FHIT: variants seen among roughly 807,000 people sequenced by gnomAD.
FHIT encodes fragile histidine triad diadenosine triphosphatase.
In FHIT, 19 loss-of-function variants were observed where a neutral mutation model predicts 17.9. The ratio of observed to expected loss-of-function variants is 1.06; its 90% CI spans 0.74 to 1.56. The LOEUF (loss-of-function observed/expected upper bound fraction) is 1.56. FHIT is among the 40% of genes most tolerant of loss of function. The probability of loss-of-function intolerance (pLI) is 0.00; values close to 1 mark genes in which losing one functional copy is unlikely to be tolerated. For synonymous variants in FHIT, 81 were observed against 69.7 expected (o/e 1.16, Z -0.81); for missense variants, 248 against 189.2 (o/e 1.31, Z -1.82).
At chr3:60,060,328 G>C (rs1209511959) in intron 5 of FHIT, among the ~76,000 whole-genome samples, 1 of 152,124 alleles carries the variant, frequency 6.6e-6, no homozygotes, top group East Asian at 1.9e-4. Context: ...TTAGACCGTA[G>C]AATCAATACT....
At chr3:60,089,852 G>T (rs1214702987) in intron 5 of FHIT, among the ~76,000 whole-genome samples, 1 of 151,988 alleles carries the variant, frequency 6.6e-6, no homozygotes, top group African/African-American at 2.4e-5. Context: ...GTTGAATTGG[G>T]GATTAAGTTT....
chr3:60,663,556 C>G (rs1391238517), intron 4 of FHIT, among the ~76,000 whole-genome samples: 5 of 152,014 alleles, frequency 3.3e-5, no homozygotes, highest in African/African-American at 1.2e-4. Flanking sequence ...CAGCCTCAGG[C>G]TCCTGAGTAG....
At chr3:60,304,971 G>A (rs928016956) in intron 5 of FHIT, among the ~76,000 whole-genome samples, 8 of 152,062 alleles carry the variant, frequency 5.3e-5, no homozygotes, top group Non-Finnish European at 4.4e-5. Flanking sequence ...CCCAGTCTGT[G>A]GCAATTGAGA....
At chr3:60,216,224 T>C (rs1032926589) in intron 5 of FHIT, among the ~76,000 whole-genome samples, 1 of 152,208 alleles carries the variant, frequency 6.6e-6, no homozygotes, top group African/African-American at 2.4e-5. Context: ...AGAGAATTTA[T>C]ATAGAAACTG....
At chr3:60,213,079 A>G (rs950583684) in intron 5 of FHIT, among the ~76,000 whole-genome samples, 1 of 152,152 alleles carries the variant, frequency 6.6e-6, no homozygotes. Context: ...TATTGCGTTG[A>G]TTATTCAAGA....
At chr3:59,853,951 C>T (rs1702046044) in intron 8 of FHIT, among the ~76,000 whole-genome samples, 2 of 151,986 alleles carry the variant, frequency 1.3e-5, no homozygotes. Context: ...AATTAGAATC[C>T]CACCAATAGA....
At chr3:61,091,376 T>C (rs979299178) in intron 2 of FHIT, among the ~76,000 whole-genome samples, 1 of 152,162 alleles carries the variant, frequency 6.6e-6, no homozygotes, top group Non-Finnish European at 1.5e-5. Context: ...GTAACCTTCC[T>C]AAGTCTTCTT....
At chr3:60,184,281 C>T (rs1004395857) in intron 5 of FHIT, among the ~76,000 whole-genome samples, 2 of 152,060 alleles carry the variant, frequency 1.3e-5, no homozygotes, top group African/African-American at 4.8e-5. Context: ...ATTGGGATTT[C>T]CTTAGTTTTC....
intron 3 of FHIT, among the ~76,000 whole-genome samples, chr3:60,834,153 TATG>T (rs1702436626): frequency 6.6e-6 from 1 of 152,264 alleles, no homozygotes; most frequent in Non-Finnish European, 1.5e-5. Flanking sequence ...TGCCCAGGAG[TATG>T]ATAAGTGCAT....
chr3:61,000,545 G>A (rs2107602519), intron 3 of FHIT, among the ~76,000 whole-genome samples: 1 of 152,052 alleles, frequency 6.6e-6, no homozygotes, highest in South Asian at 2.1e-4. Flanking sequence ...TCTGAAAAAA[G>A]GTAGAGTGAA....
At chr3:60,209,922 C>T (rs1262937353) in intron 5 of FHIT, among the ~76,000 whole-genome samples, 1 of 152,018 alleles carries the variant, frequency 6.6e-6, no homozygotes, top group African/African-American at 2.4e-5. Flanking sequence ...CAACACACAA[C>T]AGGGCCTGTT....
chr3:60,912,267 G>A (rs1706784932), intron 3 of FHIT, among the ~76,000 whole-genome samples: 1 of 152,184 alleles, frequency 6.6e-6, no homozygotes, highest in Non-Finnish European at 1.5e-5. Flanking sequence ...ATTGAGCAGT[G>A]GTGGGGGTAA....
intron 5 of FHIT, among the ~76,000 whole-genome samples, chr3:60,252,037 A>G (rs1440915673): frequency 6.6e-6 from 1 of 152,208 alleles, no homozygotes; most frequent in Non-Finnish European, 1.5e-5. Flanking sequence ...TGTCATGAGT[A>G]CCGAATGTGT....
rs1225298956 is a variant in FHIT, at chr3:60,410,606, T to TA, written c.103+126253dup. 3.9e-5 allele frequency among the ~76,000 whole-genome samples: 6 copies of TA among 152,272 alleles called. No individual in the cohort carries two copies. In the East Asian group the frequency reaches 1.2e-3, roughly 29 times the overall value. ...CTCCTGGGTGACTACTTAACATATA[T>TA]ACTGGCTACTATTCATGAAATTGTA... On this transcript the variant is annotated intron_variant, in intron 5 of 9. Coordinates refer to ENST00000492590, the MANE Select transcript of FHIT (RefSeq NM_002012.4).
chr3:60,352,442 A>T (rs574369262), intron 5 of FHIT, among the ~76,000 whole-genome samples: 1 of 152,312 alleles, frequency 6.6e-6, no homozygotes, highest in Non-Finnish European at 1.5e-5. Context: ...TTCAAGCAGC[A>T]TGTGTATATT....
intron 5 of FHIT, among the ~76,000 whole-genome samples, chr3:60,135,325 G>T (rs1030115129): frequency 6.6e-6 from 1 of 152,042 alleles, no homozygotes; most frequent in African/African-American, 2.4e-5. Flanking sequence ...TTATAGGCGA[G>T]AAAATGCTTA....
chr3:60,162,439 T>C (rs1046951167), intron 5 of FHIT, among the ~76,000 whole-genome samples: 6 of 152,208 alleles, frequency 3.9e-5, no homozygotes, highest in African/African-American at 1.4e-4. Flanking sequence ...CTTTATTGAC[T>C]CATTTATGTA....
At chr3:60,272,544 A>G (rs966163211) in intron 5 of FHIT, among the ~76,000 whole-genome samples, 3 of 152,304 alleles carry the variant, frequency 2.0e-5, no homozygotes, top group Non-Finnish European at 2.9e-5. Flanking sequence ...GTGTGAAAAC[A>G]TATCAAATCT....
intron 3 of FHIT, among the ~76,000 whole-genome samples, chr3:60,997,163 T>C (rs2030732793): frequency 6.6e-6 from 1 of 152,206 alleles, no homozygotes; most frequent in Non-Finnish European, 1.5e-5. Flanking sequence ...TTCCTAATTT[T>C]AGGCACCTGG....
Sources: allele counts gnomAD v4.1 joint callset (sites outside exome capture counted in the v4.1 genomes callset), GRCh38; gene constraint gnomAD v4.1.1; transcripts MANE v1.5; gene names NCBI Gene and HGNC (gene_info 2026-07-23, HGNC 2026-07-21).